ARSB: variants seen among roughly 807,000 people sequenced by gnomAD.
ARSB encodes the protein N-acetylgalactosamine-4-sulfatase.
ARSB carries 41 observed loss-of-function variants against 50.9 expected under a neutral mutation model. The observed-to-expected ratio is 0.81, with a 90% confidence interval of 0.63 to 1.04. ARSB has a LOEUF of 1.04. ARSB is among the 50% of genes least tolerant of loss of function. The pLI, the probability that ARSB is intolerant of heterozygous loss-of-function variation, is 0.00. For missense variants in ARSB, 672 were observed against 693.3 expected (o/e 0.97, Z 0.35); for synonymous variants, 269 against 284.8 (o/e 0.94, Z 0.56).
chr5:78,796,040 A>T (rs1231665615), intron 6 of ARSB, among the ~76,000 whole-genome samples: 1 of 152,246 alleles, frequency 6.6e-6, no homozygotes, highest in East Asian at 1.9e-4. Flanking sequence ...ATCAGCCAGC[A>T]GTGTTGATTG....
intron 6 of ARSB, among the ~76,000 whole-genome samples, chr5:78,787,089 ACCATCTATCTATCTAT>A (rs1749100075): frequency 9.3e-6 from 1 of 107,424 alleles, no homozygotes; most frequent in African/African-American, 3.4e-5. Flanking sequence ...AAAATCGATA[ACCATCTATCTATCTAT>A]CTATCTATCT....
intron 4 of ARSB, among the ~76,000 whole-genome samples, chr5:78,888,742 T>C (rs1409775379): frequency 6.6e-6 from 1 of 152,154 alleles, no homozygotes; most frequent in Non-Finnish European, 1.5e-5. Context: ...ATTCTCCGGG[T>C]TGTACAGAGA....
At chr5:78,984,445 T>A (rs1474167027) in intron 1 of ARSB, among the ~76,000 whole-genome samples, 2 of 152,116 alleles carry the variant, frequency 1.3e-5, no homozygotes, top group Non-Finnish European at 2.9e-5. Flanking sequence ...CCAGGGGTGT[T>A]GAGAACCTGG....
intron 4 of ARSB, among the ~76,000 whole-genome samples, chr5:78,934,721 G>T (rs1336677935): frequency 6.6e-6 from 1 of 152,048 alleles, no homozygotes; most frequent in East Asian, 1.9e-4. Flanking sequence ...ACTTGAACTG[G>T]GAAGGCAGAG....
chr5:78,926,028 G>A (rs1192458033), intron 4 of ARSB, among the ~76,000 whole-genome samples: 1 of 152,110 alleles, frequency 6.6e-6, no homozygotes, highest in African/African-American at 2.4e-5. Context: ...CCTGAATATG[G>A]ATGGATTAGC....
intron 6 of ARSB, among the ~76,000 whole-genome samples, chr5:78,801,600 C>G (rs535928319): frequency 2.3e-4 from 35 of 152,280 alleles, no homozygotes; most frequent in African/African-American, 7.9e-4. Flanking sequence ...TGCAACATGG[C>G]CCACAGTGTC....
intron 4 of ARSB, among the ~76,000 whole-genome samples, chr5:78,937,286 T>TCTTAC (rs1750651574): frequency 9.7e-6 from 1 of 103,532 alleles, no homozygotes; most frequent in Non-Finnish European, 2.2e-5. Flanking sequence ...ATATGTAAGA[T>TCTTAC]ATATATATGT....
chr5:78,953,870 T>G (rs897015751), intron 4 of ARSB, among the ~76,000 whole-genome samples: 4 of 152,112 alleles, frequency 2.6e-5, no homozygotes, highest in East Asian at 3.8e-4. Context: ...TACATATATA[T>G]ACACACACAC....
At chr5:78,848,962 T>C (rs1745601556) in intron 5 of ARSB, among the ~76,000 whole-genome samples, 1 of 152,234 alleles carries the variant, frequency 6.6e-6, no homozygotes, top group South Asian at 2.1e-4. Context: ...ATTCTGGATA[T>C]TAGCCCTTTG....
chr5:78,841,247 T>G (rs1745203919), intron 5 of ARSB, among the ~76,000 whole-genome samples: 1 of 151,952 alleles, frequency 6.6e-6, no homozygotes, highest in Non-Finnish European at 1.5e-5. Flanking sequence ...AGAGGATCCC[T>G]TGAGCCCAGG....
intron 2 of ARSB, among the ~76,000 whole-genome samples, chr5:78,965,224 G>T (rs980840972): frequency 1.3e-5 from 2 of 152,150 alleles, no homozygotes; most frequent in African/African-American, 4.8e-5. Context: ...TTTCACCCCA[G>T]ATTTAAATGG....
At chr5:78,789,471 C>G (rs922284004) in intron 6 of ARSB, among the ~76,000 whole-genome samples, 1 of 152,130 alleles carries the variant, frequency 6.6e-6, no homozygotes, top group Non-Finnish European at 1.5e-5. Context: ...AACCAAGAAC[C>G]AGTTTGGCTT....
At chr5:78,917,028 C>T (rs1749581595) in intron 4 of ARSB, among the ~76,000 whole-genome samples, 1 of 152,098 alleles carries the variant, frequency 6.6e-6, no homozygotes, top group African/African-American at 2.4e-5. Context: ...GGACAGAAAC[C>T]AAACACTGTG....
intron 4 of ARSB, among the ~76,000 whole-genome samples, chr5:78,928,206 T>A (rs183220211): frequency 1.3e-5 from 2 of 151,728 alleles, no homozygotes; most frequent in Admixed American, 1.3e-4. Flanking sequence ...CATGCTAGAC[T>A]GCTTCCCCAC....
intron 4 of ARSB, among the ~76,000 whole-genome samples, chr5:78,924,219 C>T (rs1749949339): frequency 6.6e-6 from 1 of 152,198 alleles, no homozygotes; most frequent in African/African-American, 2.4e-5. Context: ...CTCATTTAAT[C>T]CTCACAATAG....
chr5:78,876,528 T>C (rs1236720712), intron 5 of ARSB, among the ~76,000 whole-genome samples: 2 of 152,240 alleles, frequency 1.3e-5, no homozygotes, highest in African/African-American at 2.4e-5. Context: ...TTTTTAATCA[T>C]TGCCCAGTTT....
chr5:78,858,038 G>A (rs1179350300), intron 5 of ARSB, among the ~76,000 whole-genome samples: 12 of 152,166 alleles, frequency 7.9e-5, no homozygotes, highest in African/African-American at 1.2e-4. Flanking sequence ...ACACAATCAT[G>A]TGGTTGAGCA....
At chr5:78,895,095 G>A (rs1748504271) in intron 4 of ARSB, among the ~76,000 whole-genome samples, 1 of 152,122 alleles carries the variant, frequency 6.6e-6, no homozygotes, top group South Asian at 2.1e-4. Flanking sequence ...TACCACAATA[G>A]GCACCACGAA....
intron 4 of ARSB, among the ~76,000 whole-genome samples, chr5:78,924,333 G>A (rs912118826): frequency 1.3e-5 from 2 of 152,190 alleles, no homozygotes; most frequent in Admixed American, 6.5e-5. Flanking sequence ...ATGAGGGCCT[G>A]AGCCTCAGGT....
Sources: gnomAD v4.1 joint callset for allele counts (sites outside exome capture counted in the v4.1 genomes callset) on GRCh38, gnomAD v4.1.1 for gene constraint, MANE v1.5 for transcripts, NCBI Gene and HGNC (gene_info 2026-07-23, HGNC 2026-07-21) for gene names.